Variants in RAPGEF4 observed in about 807,000 individuals in gnomAD.
The protein encoded by RAPGEF4 is RAP guanine-nucleotide-exchange factor (GEF) 4.
Under a neutral mutation model 147.9 loss-of-function variants are expected in RAPGEF4, and 66 were observed. The ratio of observed to expected loss-of-function variants is 0.45; its 90% CI spans 0.37 to 0.55. The LOEUF (loss-of-function observed/expected upper bound fraction) is 0.55, where lower values mean the gene tolerates loss of function less well. Among genes scored for constraint, RAPGEF4 ranks in the 20% least tolerant of loss-of-function variants. The probability of loss-of-function intolerance (pLI) is 0.00; values close to 1 mark genes in which losing one functional copy is unlikely to be tolerated. For synonymous variants in RAPGEF4, 419 were observed against 442.7 expected (o/e 0.95, Z 0.67); for missense variants, 1,071 against 1,257.3 (o/e 0.85, Z 2.24).
chr2:172,965,732 A>G (rs776862798), intron 9 of RAPGEF4, 49 bp downstream of exon 9: 14 of 1,611,842 alleles, frequency 8.7e-6, no homozygotes, highest in Non-Finnish European at 5.1e-6. Context: ...TGCTAAGTGC[A>G]TTTCCCTGGG....
At chr2:172,885,548 A>G (rs1318674924) in intron 4 of RAPGEF4, among the ~76,000 whole-genome samples, 1 of 152,220 alleles carries the variant, frequency 6.6e-6, no homozygotes, top group Non-Finnish European at 1.5e-5. Flanking sequence ...GGAAGGCCTC[A>G]TAATCATGGC....
intron 4 of RAPGEF4, among the ~76,000 whole-genome samples, chr2:172,817,237 G>T (rs186162088): frequency 6.6e-6 from 1 of 152,016 alleles, no homozygotes; most frequent in Non-Finnish European, 1.5e-5. Context: ...CTTCTATTCC[G>T]CTCAGAGGAG....
chr2:173,027,903 T>G (rs939984546), intron 25 of RAPGEF4, among the ~76,000 whole-genome samples: 1 of 152,218 alleles, frequency 6.6e-6, no homozygotes, highest in African/African-American at 2.4e-5. Flanking sequence ...TTTACTTCCA[T>G]GTTTTTGGTA....
At chr2:172,847,561 G>A (rs865900956) in intron 4 of RAPGEF4, among the ~76,000 whole-genome samples, 2 of 152,278 alleles carry the variant, frequency 1.3e-5, no homozygotes, top group Middle Eastern at 6.8e-3. Context: ...TGGGACACTG[G>A]GCTGAAGGTG....
chr2:172,744,125 T>C (rs2149425304), intron 1 of RAPGEF4: 2 of 204,166 alleles, frequency 9.8e-6, no homozygotes, highest in Middle Eastern at 2.0e-3. Context: ...TTTGAAGTTA[T>C]CTGCATTTTC....
Position 172,935,579 on chromosome 2 carries a change from C to T in RAPGEF4, c.537+13279C>T, listed in dbSNP as rs1575299661. On this transcript the variant is annotated intron_variant, in intron 6 of 30. Coordinates refer to ENST00000397081, the MANE Select transcript of RAPGEF4 (RefSeq NM_007023.4). ...TAACATCATAATACAATCAATATCT[C>T]ATTTCAGGCTAGTCTTCATGCCTTG... Among the ~76,000 whole-genome samples, 5 of 152,320 alleles carry T rather than the reference C, an allele frequency of 3.3e-5. 1 individual carries two copies. In the Middle Eastern group the frequency reaches 0.017, roughly 518 times the overall value.
chr2:173,048,494 C>G (rs1231047741), intron 29 of RAPGEF4, 106 bp from the exon 30 acceptor site: 2 of 1,522,686 alleles, frequency 1.3e-6, no homozygotes, highest in African/African-American at 2.8e-5. Flanking sequence ...CAGAACATGT[C>G]ACTTCTCATG....
At chr2:172,766,373 G>A (rs1001883931) in intron 1 of RAPGEF4, among the ~76,000 whole-genome samples, 2 of 152,050 alleles carry the variant, frequency 1.3e-5, no homozygotes, top group African/African-American at 2.4e-5. Context: ...CCAATACAGC[G>A]AAACCCCGTC....
At chr2:172,749,704 G>A (rs188151641) in intron 1 of RAPGEF4, among the ~76,000 whole-genome samples, 2 of 152,346 alleles carry the variant, frequency 1.3e-5, no homozygotes, top group African/African-American at 4.8e-5. Flanking sequence ...TCTGCAGCCA[G>A]CATGAATTTC....
chr2:173,002,991 A>C (rs550492991), intron 17 of RAPGEF4, among the ~76,000 whole-genome samples: 1 of 152,326 alleles, frequency 6.6e-6, no homozygotes, highest in East Asian at 1.9e-4. Flanking sequence ...TGGAAGGAAA[A>C]ATAAAATCCA....
At chr2:173,015,871 A>G (rs1241344092) in intron 18 of RAPGEF4, among the ~76,000 whole-genome samples, 2 of 152,212 alleles carry the variant, frequency 1.3e-5, no homozygotes, top group African/African-American at 4.8e-5. Context: ...TAAACAATAC[A>G]TACCAAAATA....
chr2:173,036,886 A>G, intron 29 of RAPGEF4, 194 bp downstream of exon 29: 1 of 484,564 alleles, frequency 2.1e-6, no homozygotes, highest in Non-Finnish European at 3.7e-6. Context: ...ATTGAATAGT[A>G]TTTGTGTGGT....
intron 17 of RAPGEF4, among the ~76,000 whole-genome samples, chr2:173,006,163 T>G (rs1575498703): frequency 6.6e-6 from 1 of 152,168 alleles, no homozygotes; most frequent in East Asian, 1.9e-4. Context: ...AGCAGCTATC[T>G]TACAACCATG....
At chr2:172,834,221 A>C (rs918063319) in intron 4 of RAPGEF4, among the ~76,000 whole-genome samples, 1 of 152,222 alleles carries the variant, frequency 6.6e-6, no homozygotes, top group African/African-American at 2.4e-5. Context: ...GTAGAGTTGA[A>C]GCTAAAGAAC....
intron 16 of RAPGEF4, among the ~76,000 whole-genome samples, chr2:172,998,942 T>C (rs2105786914): frequency 6.6e-6 from 1 of 152,282 alleles, no homozygotes; most frequent in Non-Finnish European, 1.5e-5. Flanking sequence ...GAAGGGCAAG[T>C]ATAGCCTTCC....
chr2:172,932,784 G>T (rs1184268547), intron 6 of RAPGEF4, among the ~76,000 whole-genome samples: 1 of 152,112 alleles, frequency 6.6e-6, no homozygotes, highest in African/African-American at 2.4e-5. Context: ...GTCTCTTATG[G>T]ATCACCCTCA....
intron 3 of RAPGEF4, among the ~76,000 whole-genome samples, chr2:172,808,891 G>A (rs1390597049): frequency 1.3e-5 from 2 of 152,168 alleles, no homozygotes; most frequent in East Asian, 1.9e-4. Context: ...TAGCCTCCAC[G>A]TGGGAGTCCT....
intron 22 of RAPGEF4, among the ~76,000 whole-genome samples, chr2:173,019,173 A>G (rs529051915): frequency 1.3e-5 from 2 of 152,358 alleles, no homozygotes; most frequent in South Asian, 2.1e-4. Flanking sequence ...CTACAAGTCC[A>G]AAGTTGGAAG....
intron 4 of RAPGEF4, among the ~76,000 whole-genome samples, chr2:172,860,787 A>G (rs1693954683): frequency 6.6e-6 from 1 of 152,062 alleles, no homozygotes; most frequent in Admixed American, 6.6e-5. Context: ...GGATGTTTGT[A>G]TTGTTTCATA....
Sources: gnomAD v4.1 joint callset for allele counts (sites outside exome capture counted in the v4.1 genomes callset) on GRCh38, gnomAD v4.1.1 for gene constraint, MANE v1.5 for transcripts, NCBI Gene and HGNC (gene_info 2026-07-23, HGNC 2026-07-21) for gene names.